The following DARS1 variants were observed in gnomAD, a reference collection of about 807,000 sequenced individuals.
DARS1 encodes aspartyl-tRNA synthetase 1.
Under a neutral mutation model 68.8 loss-of-function variants are expected in DARS1, and 51 were observed. The observed-to-expected ratio is 0.74, with a 90% CI of 0.59 to 0.94. The LOEUF is 0.94. DARS1 is among the 40% of genes least tolerant of loss of function. The pLI, the probability that DARS1 is intolerant of heterozygous loss-of-function variation, is 0.00. For missense variants in DARS1, 607 were observed against 597.3 expected, an observed-to-expected ratio of 1.02 and a Z score of -0.17; for synonymous variants, 203 against 190.4, an observed-to-expected ratio of 1.07 and a Z score of -0.55.
chr2:135,985,534 G>A lies in DARS1; in HGVS notation c.-66C>T. The A allele has an allele frequency of 9.9e-6, 16 of 1,611,860 alleles. No individual in the cohort carries two copies. The highest frequency in any genetic ancestry group is 1.3e-5 in the Non-Finnish European group (15 of 1,179,132). ...AGGCTTCCGTAAGGCAGGCCAAAGG[G>A]GCTTCTCCCTCCCTCCCAGTCTCCG... On this transcript the variant is annotated 5_prime_UTR_variant, in exon 1 of 16. Coordinates refer to ENST00000264161, the MANE Select transcript of DARS1 (RefSeq NM_001349.4).
At chr2:135,934,611 C>T (rs1681426004) in intron 5 of DARS1, among the ~76,000 whole-genome samples, 1 of 151,538 alleles carries the variant, frequency 6.6e-6, no homozygotes, top group African/African-American at 2.4e-5. Context: ...GACAGTGAGA[C>T]CCTGTCTCAA....
chr2:135,934,695 G>A (rs1681427556), intron 5 of DARS1, among the ~76,000 whole-genome samples: 1 of 151,920 alleles, frequency 6.6e-6, no homozygotes, highest in Non-Finnish European at 1.5e-5. Context: ...TAATCTCAGA[G>A]CTTCAATTAA....
At position 135,957,514 on chromosome 2, in the gene DARS1, G is replaced by A. The variant is rs910943918; in HGVS notation, c.320+3882C>T. On this transcript the variant is annotated intron_variant, in intron 4 of 15. Transcript: ENST00000264161. ...ATTACAGGTATGAGCCACCACGCTC[G>A]GCCGACTAATTTAAAAAAAATTTTT... Among the ~76,000 whole-genome samples, 4 of 152,078 alleles carry A rather than the reference G, an allele frequency of 2.6e-5. No homozygotes were observed. In the East Asian group the frequency reaches 5.8e-4, roughly 22 times the overall value.
intron 5 of DARS1, among the ~76,000 whole-genome samples, 154 bp from the exon 6 acceptor site, chr2:135,934,144 T>G (rs1292484129): frequency 6.6e-6 from 1 of 152,192 alleles, no homozygotes; most frequent in Non-Finnish European, 1.5e-5. Flanking sequence ...TGATACAGGT[T>G]TTTTCACCTT....
At position 135,914,525 on chromosome 2, in the gene DARS1, G is replaced by A. The variant is rs1164207434; in HGVS notation, c.1107-14C>T. The stretch of plus-strand genomic sequence containing the variant: ...TCATTTGGTGTGCTGAAAAAGAAAC[G>A]TGAAATCAGTGTTTGAAGATCAAAT... On this transcript the variant is annotated splice_polypyrimidine_tract_variant and intron_variant, in intron 11 of 15. Transcript: ENST00000264161. 7.3e-6 allele frequency: 10 copies of A among 1,364,622 alleles called. No homozygotes were observed. The South Asian group carries it at 9.3e-5, about 13-fold the overall frequency. The allele number at this position is 1,364,622 out of a possible 1,614,324, so 84.5% of individuals were successfully genotyped here.
rs778156661 is a variant in DARS1 at position 135,961,517 on chromosome 2, A to T, written c.218-19T>A. 3 of 1,126,524 alleles carry T rather than the reference A, an allele frequency of 2.7e-6. No individual in the cohort carries two copies. Among genetic ancestry groups the T allele is most frequent in the Non-Finnish European group, 2.7e-6 (2 of 733,888 alleles). The allele number at this position is 1,126,524 out of a possible 1,614,324, so 69.8% of individuals were successfully genotyped here. A position where few individuals can be genotyped will look rare whatever the true frequency, so the allele number is the denominator to read the frequency against. ...TGTTTCCCTGAAAAAGACAGAAAGAACACAAATGTATTAAGGACACGCAAC... is the reference window on the plus strand; with the variant it reads ...TGTTTCCCTGAAAAAGACAGAAAGATCACAAATGTATTAAGGACACGCAAC... On this transcript the variant is annotated intron_variant, in intron 3 of 15. Coordinates refer to ENST00000264161, the MANE Select transcript of DARS1 (RefSeq NM_001349.4).
In DARS1 at chr2:135,950,262, G is replaced by GCA. The variant is rs1023794676; in HGVS notation, c.321-6784_321-6783dup. Among the ~76,000 whole-genome samples the GCA allele has an allele frequency of 2.4e-4, 37 of 152,200 alleles. 1 individual carries two copies. The highest frequency in any genetic ancestry group is 6.5e-4 in the Admixed American group (10 of 15,292). ...TTGAAAATAAACAAATAGTCCTAAG[G>GCA]CACTCCTCTAGCTCCAAGCATTTTA... is the stretch of plus-strand genomic sequence containing the variant. On this transcript the variant is annotated intron_variant, in intron 4 of 15. Transcript: ENST00000264161.
At chr2:135,939,432 G>A (rs1026215613) in intron 5 of DARS1, among the ~76,000 whole-genome samples, 1 of 152,130 alleles carries the variant, frequency 6.6e-6, no homozygotes, top group African/African-American at 2.4e-5. Context: ...TGAAATGAAG[G>A]CGGAAATAAA....
At chr2:135,948,443 T>C (rs534474416) in intron 4 of DARS1, among the ~76,000 whole-genome samples, 113 of 152,288 alleles carry the variant, frequency 7.4e-4, no homozygotes, top group African/African-American at 2.5e-3. Context: ...CTAAGATATA[T>C]ATGACACACA....
At chr2:135,963,972 C>T (rs1252538860) in intron 3 of DARS1, among the ~76,000 whole-genome samples, 1 of 152,172 alleles carries the variant, frequency 6.6e-6, no homozygotes, top group East Asian at 1.9e-4. Flanking sequence ...TGAGCCACTG[C>T]GCCTGGCCTT....
At chr2:135,964,615 C>A (rs1013287151) in intron 3 of DARS1, among the ~76,000 whole-genome samples, 2 of 151,860 alleles carry the variant, frequency 1.3e-5, no homozygotes, top group Non-Finnish European at 2.9e-5. Context: ...CCGAGGTGGG[C>A]GGATCACTTG....
chr2:135,942,174 A>G (rs2104818043), intron 5 of DARS1, among the ~76,000 whole-genome samples: 1 of 152,322 alleles, frequency 6.6e-6, no homozygotes, highest in East Asian at 1.9e-4. Flanking sequence ...AAAGGATTAT[A>G]AATCATGCTG....
intron 3 of DARS1, among the ~76,000 whole-genome samples, chr2:135,965,341 TA>T (rs1182530404): frequency 6.6e-6 from 1 of 152,080 alleles, no homozygotes; most frequent in East Asian, 1.9e-4. Context: ...TTTTAATACA[TA>T]AGGATCTTAA....
At position 135,936,389 on chromosome 2, in the gene DARS1, A is replaced by G. The variant is rs141505610; in HGVS notation, c.424-2399T>C. Among the ~76,000 whole-genome samples the G allele has an allele frequency of 1.3e-4, 20 of 150,004 alleles. No homozygotes were observed. The East Asian group carries it at 3.1e-3, about 24-fold the overall frequency. On this transcript the variant is annotated intron_variant, in intron 5 of 15. Transcript: ENST00000264161. The stretch of plus-strand genomic sequence containing the variant: ...AAAACAGAAATATATATATACACAC[A>G]CATACACTTTTTTTTTTTAGTTTTG...
chr2:135,965,020 T>C (rs975428271), intron 3 of DARS1, among the ~76,000 whole-genome samples: 8 of 151,958 alleles, frequency 5.3e-5, no homozygotes, highest in South Asian at 4.1e-4. Flanking sequence ...CAAAAACCTA[T>C]ATAGTATGTA....
intron 4 of DARS1, among the ~76,000 whole-genome samples, chr2:135,953,303 G>T (rs1681889286): frequency 6.6e-6 from 1 of 152,194 alleles, no homozygotes; most frequent in African/African-American, 2.4e-5. Context: ...ATGTGTTAAG[G>T]AACAGTATTA....
chr2:135,981,404 G>C (rs1050261170), intron 2 of DARS1, among the ~76,000 whole-genome samples: 6 of 152,088 alleles, frequency 3.9e-5, no homozygotes, highest in Non-Finnish European at 7.4e-5. Context: ...CATAGGTTGA[G>C]CATTCCTAAC....
At chr2:135,963,374 CT>C (rs111533002) in intron 3 of DARS1, among the ~76,000 whole-genome samples, 3,456 of 143,452 alleles carry the variant, frequency 0.024, 88 homozygotes, top group African/African-American at 0.067. Flanking sequence ...CTATTAATGA[CT>C]TTTTTTTTTT....
At chr2:135,938,357 C>G (rs1164761865) in intron 5 of DARS1, among the ~76,000 whole-genome samples, 2 of 152,154 alleles carry the variant, frequency 1.3e-5, no homozygotes, top group African/African-American at 4.8e-5. Flanking sequence ...TTAAGTTCTT[C>G]TCTATGCTGT....
Sources: gnomAD v4.1 joint callset for allele counts (sites outside exome capture counted in the v4.1 genomes callset) on GRCh38, gnomAD v4.1.1 for gene constraint, MANE v1.5 for transcripts, NCBI Gene and HGNC (gene_info 2026-07-23, HGNC 2026-07-21) for gene names.